PTBP1: variants seen among roughly 807,000 people sequenced by gnomAD.
The protein encoded by PTBP1 is polypyrimidine tract binding protein 1.
Under a neutral mutation model 59.8 loss-of-function variants are expected in PTBP1, and 8 were observed. That is an observed-to-expected ratio of 0.13 (90% CI 0.08 to 0.24). The LOEUF is 0.24. Ranked by LOEUF, PTBP1 falls within the 10% of genes least tolerant of loss-of-function variation. PTBP1 has a pLI of 1.00. For synonymous variants in PTBP1, 490 were observed against 320.7 expected (o/e 1.53, Z -5.64); for missense variants, 686 against 767.0 (o/e 0.89, Z 1.25).
intron 2 of PTBP1, among the ~76,000 whole-genome samples, chr19:800,673 G>C (rs1006161164): frequency 1.3e-5 from 2 of 152,208 alleles, no homozygotes; most frequent in African/African-American, 2.4e-5. Context: ...TGCCTGCCCC[G>C]ATCTTCCTGG....
intron 1 of PTBP1, among the ~76,000 whole-genome samples, chr19:797,872 C>T (rs1264281543): frequency 6.7e-6 from 1 of 148,874 alleles, no homozygotes; most frequent in Non-Finnish European, 1.5e-5. Flanking sequence ...ATGGCCCTTC[C>T]CGCCTCCCGT....
chr19:810,438 C>T (rs756032286), intron 13 of PTBP1, 105 bp from the exon 14 acceptor site: 3 of 926,368 alleles, frequency 3.2e-6, no homozygotes, highest in Non-Finnish European at 5.0e-6. Flanking sequence ...AGGCCCTACG[C>T]CTTCCCCGGC....
chr19:798,248 G>A (rs971337375), intron 1 of PTBP1, among the ~76,000 whole-genome samples: 1 of 152,062 alleles, frequency 6.6e-6, no homozygotes, highest in African/African-American at 2.4e-5. Context: ...GGGCCTTCCC[G>A]GCTCTCGGGC....
At chr19:807,552 C>A in intron 10 of PTBP1, 2 of 373,352 alleles carry the variant, frequency 5.4e-6, no homozygotes, top group East Asian at 4.6e-5. Context: ...TTCTTTTCTC[C>A]CCTTCCCCTT....
At position 810,742 on chromosome 19, in the gene PTBP1, G is replaced by T; in HGVS notation, c.1590G>T (p.Ala530=). 1.2e-6 allele frequency: 2 copies of T among 1,608,058 alleles called. No individual in the cohort carries two copies. Among genetic ancestry groups the T allele is most frequent in the Non-Finnish European group, 8.5e-7 (1 of 1,178,294 alleles). Residue 530 remains alanine (A), a synonymous_variant, in exon 15 of 15, where the codon GCG becomes GCT. Coordinates refer to ENST00000356948, the MANE Select transcript of PTBP1 (RefSeq NM_002819.5). ...ALIQMGSVEE[A]VQALIDLHNH... ...TCCAGATGGGCTCCGTGGAGGAGGC[G>T]GTCCAGGCCCTCATTGACCTGCACA...
Position 797,879 on chromosome 19 carries a change from C to T in PTBP1, c.8+374C>T, listed in dbSNP as rs550523599. Among the ~76,000 whole-genome samples, 269 of 149,032 alleles carry T rather than the reference C, an allele frequency of 1.8e-3. 2 individuals carry two copies. The highest frequency in any genetic ancestry group is 6.8e-3 in the Middle Eastern group (2 of 292). On this transcript the variant is annotated intron_variant, in intron 1 of 14. Transcript: ENST00000356948. ...GCGCCCGGATGGCCCTTCCCGCCTC[C>T]CGTCCGCTCCCCTCGTGCGCCTGCG...
At chr19:801,750 C>A (rs1474012927) in intron 2 of PTBP1, among the ~76,000 whole-genome samples, 1 of 151,904 alleles carries the variant, frequency 6.6e-6, no homozygotes, top group African/African-American at 2.4e-5. Context: ...CCCTTCCTCC[C>A]GTCCTCCCTT....
At chr19:797,551 A>ACC in intron 1 of PTBP1, 46 bp downstream of exon 1, 1 of 1,357,078 alleles carries the variant, frequency 7.4e-7, no homozygotes, top group Non-Finnish European at 9.5e-7. Flanking sequence ...CCCGCGCCGC[A>ACC]GCCCTGCCCC....
rs762173288 is a variant in PTBP1, at chr19:804,930, C to T, written c.708C>T (p.His236=). ...LQYADPVSAQ[H]AKLSLDGQNI... Reference sequence around the variant, plus strand: ...ATGCGGACCCCGTGAGCGCCCAGCACGCCAAGCTGGTGAGTGGGGCTCCCG... The same window carrying T: ...ATGCGGACCCCGTGAGCGCCCAGCATGCCAAGCTGGTGAGTGGGGCTCCCG... The change falls in exon 7 of 15, where the codon CAC becomes CAT. Residue 236 remains histidine (H), a synonymous_variant. Coordinates refer to ENST00000356948, the MANE Select transcript of PTBP1 (RefSeq NM_002819.5). 2.5e-5 allele frequency: 40 copies of T among 1,613,664 alleles called. 1 individual carries two copies. Among genetic ancestry groups the T allele is most frequent in the Middle Eastern group, 3.3e-4 (2 of 6,084 alleles).
chr19:805,901 T>A, intron 9 of PTBP1: 1 of 368,370 alleles, frequency 2.7e-6, no homozygotes, highest in Non-Finnish European at 5.1e-6. Context: ...TTGAGTGGCC[T>A]GGTAAGCGCG....
chr19:806,550 C>A lies in PTBP1; in HGVS notation c.1113C>A (p.Asn371Lys). Residue 371 changes from asparagine (N) to lysine (K), a missense_variant, in exon 10 of 15, where the codon AAC becomes AAA. Coordinates refer to ENST00000356948, the MANE Select transcript of PTBP1 (RefSeq NM_002819.5). ...GNSVLLVSNLNPERVTPQSLF... is the reference protein window; with the variant it reads ...GNSVLLVSNLKPERVTPQSLF... ...CTGTATTGCTGGTCAGCAACCTCAACCCAGAGGTACGTGGGCTTTTCCTCC... is the reference window on the plus strand; with the variant it reads ...CTGTATTGCTGGTCAGCAACCTCAAACCAGAGGTACGTGGGCTTTTCCTCC... The A allele has an allele frequency of 6.6e-7, 1 of 1,516,288 alleles. No individual in the cohort carries two copies. The highest frequency in any genetic ancestry group is 1.4e-5 in the African/African-American group (1 of 69,106). The allele number at this position is 1,516,288 out of a possible 1,614,324, so 93.9% of individuals were successfully genotyped here.
chr19:803,898 G>A (rs998205918), intron 3 of PTBP1, 138 bp from the exon 4 acceptor site: 29 of 1,038,092 alleles, frequency 2.8e-5, no homozygotes, highest in Middle Eastern at 2.9e-4. Flanking sequence ...TTGGCCTCTC[G>A]CGCTGCTGGT....
In PTBP1 at chr19:806,097, C is replaced by T. The variant is rs1318275837; in HGVS notation, c.971-311C>T. ...GCATGCGCGGTGGTCCCGGGACGGG[C>T]CCTGCTTGCCGAGGGCCCCGTGTCT... is the stretch of plus-strand genomic sequence containing the variant. On this transcript the variant is annotated intron_variant, in intron 9 of 14. Coordinates refer to ENST00000356948, the MANE Select transcript of PTBP1 (RefSeq NM_002819.5). 8.4e-5 allele frequency: 27 copies of T among 320,778 alleles called. No homozygotes were observed. In the East Asian group the frequency reaches 1.5e-3, roughly 18 times the overall value. 19.9% of individuals were successfully genotyped at this position (320,778 alleles called of 1,614,324 possible).
intron 2 of PTBP1, among the ~76,000 whole-genome samples, chr19:802,144 G>C (rs1455631327): frequency 1.3e-5 from 2 of 152,182 alleles, no homozygotes; most frequent in South Asian, 2.1e-4. Context: ...GCTGCAGTTA[G>C]AGGTCTCATT....
At chr19:800,358 G>A (rs1488164850) in intron 2 of PTBP1, among the ~76,000 whole-genome samples, 1 of 152,204 alleles carries the variant, frequency 6.6e-6, no homozygotes. Flanking sequence ...GCCCCATGGA[G>A]GGTGAGGCCA....
At chr19:800,221 G>A (rs1298141657) in intron 2 of PTBP1, among the ~76,000 whole-genome samples, 6 of 151,650 alleles carry the variant, frequency 4.0e-5, no homozygotes, top group African/African-American at 1.2e-4. Flanking sequence ...GTTGTGAGCC[G>A]CCAGACCCGG....
Position 804,601 on chromosome 19 carries a change from G to C in PTBP1, c.505G>C (p.Ala169Pro), listed in dbSNP as rs571820277. 26 of 1,611,970 alleles carry C rather than the reference G, an allele frequency of 1.6e-5. No individual in the cohort carries two copies. The Admixed American group carries it at 4.2e-4, about 26-fold the overall frequency. ...SGNLALAASAAAVDAGMAMAG... is the reference protein window; with the variant it reads ...SGNLALAASAPAVDAGMAMAG... ...GAACCTGGCCTTGGCTGCCTCGGCG[G>C]CGGCCGTGGACGCAGGGATGGCGAT... is the stretch of plus-strand genomic sequence containing the variant. The change falls in exon 6 of 15, where the codon GCG becomes CCG. Residue 169 changes from alanine to proline, a missense_variant. Coordinates refer to ENST00000356948, the MANE Select transcript of PTBP1 (RefSeq NM_002819.5).
In PTBP1 at chr19:808,217, C is replaced by G; in HGVS notation, c.1154-143C>G. 2 of 709,388 alleles carry G rather than the reference C, an allele frequency of 2.8e-6. No individual in the cohort carries two copies. Among genetic ancestry groups the G allele is most frequent in the South Asian group, 1.7e-5 (1 of 57,436 alleles). The allele number at this position is 709,388 out of a possible 1,614,324, so 43.9% of individuals were successfully genotyped here. ...CTCCTGTTAGCGCGCCCTGTGGCTG[C>G]GAGACGCAGCTCCGCAGTGGCCGAT... On this transcript the variant is annotated intron_variant, in intron 11 of 14. Transcript: ENST00000356948. The surrounding 1 kb of genome is among the most constrained non-coding windows in gnomAD (Gnocchi z 4.7).
Position 810,804 on chromosome 19 carries a change from CCTT to C in PTBP1, c.1655_1657del (p.Phe552del). 6.3e-7 allele frequency: 1 copy of C among 1,588,174 alleles called. No homozygotes were observed. Among genetic ancestry groups the C allele is most frequent in the Non-Finnish European group, 8.5e-7 (1 of 1,171,154 alleles). ...GGGGAGAACCACCACCTGCGGGTCTCCTTCTCCAAGTCCACCATCTAGGGGCAC... is the reference window on the plus strand; with the variant it reads ...GGGGAGAACCACCACCTGCGGGTCTCCTCCAAGTCCACCATCTAGGGGCAC... On this transcript the variant is annotated inframe_deletion, in exon 15 of 15. Transcript: ENST00000356948.
Sources: allele counts gnomAD v4.1 joint callset (sites outside exome capture counted in the v4.1 genomes callset), GRCh38; gene constraint gnomAD v4.1.1; non-coding constraint Gnocchi (gnomAD v3.1); transcripts MANE v1.5; gene names NCBI Gene and HGNC (gene_info 2026-07-23, HGNC 2026-07-21).